The following MAPK7 variants were observed in gnomAD, a reference collection of about 807,000 sequenced individuals.
The protein encoded by MAPK7 is BMK-1.
Under a neutral mutation model 56.9 loss-of-function variants are expected in MAPK7, and 30 were observed. That is an observed-to-expected ratio of 0.53 (90% CI 0.39 to 0.72). The LOEUF is 0.72. MAPK7 is among the 30% of genes least tolerant of loss of function. The pLI, the probability that MAPK7 is intolerant of heterozygous loss-of-function variation, is 0.00. For missense variants in MAPK7, 952 were observed against 1,110.8 expected, an observed-to-expected ratio of 0.86 and a Z score of 2.03; for synonymous variants, 516 against 449.3, an observed-to-expected ratio of 1.15 and a Z score of -1.88.
Position 19,383,243 on chromosome 17 carries a change from T to C in MAPK7, c.*12T>C. 1 of 1,613,192 alleles carries C rather than the reference T, an allele frequency of 6.2e-7. No individual in the cohort carries two copies. The highest frequency in any genetic ancestry group is 8.5e-7 in the Non-Finnish European group (1 of 1,179,424). ...TCCAGGACCCCTGAGGCCCCCAGCC[T>C]GTGCCTTGCTGCCACAGTAGACCTA... On this transcript the variant is annotated 3_prime_UTR_variant, in exon 7 of 7. Transcript: ENST00000395604.
chr17:19,377,878 G>C (rs946631759), upstream of MAPK7: 20 of 985,280 alleles, frequency 2.0e-5, no homozygotes, highest in African/African-American at 3.1e-4. Flanking sequence ...AGGAAACCGC[G>C]AGCTGCAGTC....
chr17:19,380,063 C>T, intron 3 of MAPK7, 116 bp downstream of exon 3: 1 of 1,199,610 alleles, frequency 8.3e-7, no homozygotes, highest in Admixed American at 2.2e-5. Context: ...TGGGAAAATT[C>T]CCGCAGTTCT....
At position 19,383,274 on chromosome 17, in the gene MAPK7, A is replaced by G. The variant is rs1912883145; in HGVS notation, c.*43A>G. 1.2e-6 allele frequency: 2 copies of G among 1,605,390 alleles called. No homozygotes were observed. Among genetic ancestry groups the G allele is most frequent in the Non-Finnish European group, 1.7e-6 (2 of 1,174,122 alleles). On this transcript the variant is annotated 3_prime_UTR_variant, in exon 7 of 7. Coordinates refer to ENST00000395604, the MANE Select transcript of MAPK7 (RefSeq NM_002749.4). Reference sequence around the variant, plus strand: ...TTGCTGCCACAGTAGACCTAGTTCCAGGATCCATGGGAGCATTCTCAAAGG... The same window carrying G: ...TTGCTGCCACAGTAGACCTAGTTCCGGGATCCATGGGAGCATTCTCAAAGG...
rs753467532 is a variant in MAPK7, at chr17:19,382,045, C to T, written c.1742C>T (p.Pro581Leu). The change falls in exon 5 of 7, where the codon CCA becomes CTA. Residue 581 changes from proline (P) to leucine (L), a missense_variant. Around this residue, in one of 5 missense-constraint regions of MAPK7, gnomAD observed 234 missense variants for 210.4 expected, o/e 1.11. Transcript: ENST00000395604. ...ACTCGAATGGCCCGGCCCGCAGCCC[C>T]AGCCCTCACCTCTGTGCCGGCCCCT... ...RWTRMARPAA[P>L]ALTSVPAPAP... The T allele has an allele frequency of 6.3e-7, 1 of 1,575,778 alleles. No individual in the cohort carries two copies. Among genetic ancestry groups the T allele is most frequent in the East Asian group, 2.3e-5 (1 of 42,680 alleles).
chr17:19,377,889 C>T, upstream of MAPK7: 1 of 985,390 alleles, frequency 1.0e-6, no homozygotes, highest in African/African-American at 1.7e-5. Context: ...AGCTGCAGTC[C>T]AACTTGGCCG....
chr17:19,382,385 A>C lies in MAPK7; in HGVS notation c.2082A>C (p.Pro694=). The change falls in exon 5 of 7, where the codon CCA becomes CCC. Residue 694 remains proline, a synonymous_variant. Transcript: ENST00000395604. ...ACTTCCCACCTGGCCTGCCGCCCCCAGACGCCGGGGGAGCCCCTCAGTCTT... is the reference window on the plus strand; with the variant it reads ...ACTTCCCACCTGGCCTGCCGCCCCCCGACGCCGGGGGAGCCCCTCAGTCTT... ...LPYFPPGLPP[P]DAGGAPQSSM... The C allele has an allele frequency of 1.2e-6, 2 of 1,613,378 alleles. No homozygotes were observed. Among genetic ancestry groups the C allele is most frequent in the Non-Finnish European group, 1.7e-6 (2 of 1,179,940 alleles).
Position 19,379,775 on chromosome 17 carries a change from T to G in MAPK7, c.233-7T>G. The stretch of plus-strand genomic sequence containing the variant: ...CCTCTGGTATGTCCCTTTTCCCTGC[T>G]CCTCAGGCCAGCAGGTGGCCATCAA... On this transcript the variant is annotated splice_polypyrimidine_tract_variant and splice_region_variant and intron_variant, in intron 2 of 6. Transcript: ENST00000395604. 6.2e-7 allele frequency: 1 copy of G among 1,613,542 alleles called. No individual in the cohort carries two copies. Among genetic ancestry groups the G allele is most frequent in the Non-Finnish European group, 8.5e-7 (1 of 1,179,762 alleles).
chr17:19,378,462 G>T, upstream of MAPK7: 1 of 1,028,674 alleles, frequency 9.7e-7, no homozygotes, highest in Non-Finnish European at 1.2e-6. The surrounding 1 kb of genome is among the most constrained non-coding windows in gnomAD (Gnocchi z 5.4). Context: ...GCTGGAGGGA[G>T]CGTGGCCTTG....
At chr17:19,379,648 G>A (rs1912470931) in intron 2 of MAPK7, 134 bp from the exon 3 acceptor site, 1 of 747,584 alleles carries the variant, frequency 1.3e-6, no homozygotes, top group Non-Finnish European at 2.2e-6. Flanking sequence ...CACAGGGCTT[G>A]GCACATAGTA....
intron 3 of MAPK7, chr17:19,380,255 A>G (rs1460949263): frequency 2.0e-6 from 1 of 501,772 alleles, no homozygotes; most frequent in Non-Finnish European, 3.5e-6. Flanking sequence ...ACTTTCCTAC[A>G]GACAGTGGAC....
Position 19,383,412 on chromosome 17 carries a change from G to C in MAPK7, c.*181G>C. On this transcript the variant is annotated 3_prime_UTR_variant, in exon 7 of 7. Transcript: ENST00000395604. ...CTGAGCCACCACCGAGCCATGGCAG[G>C]ATCGGGAGACCCCAACTCCCCCTGA... The C allele has an allele frequency of 1.8e-6, 1 of 556,764 alleles. No homozygotes were observed. The highest frequency in any genetic ancestry group is 2.8e-5 in the South Asian group (1 of 35,736). 34.5% of individuals were successfully genotyped at this position (556,764 alleles called of 1,614,324 possible).
At chr17:19,379,285 G>A in intron 2 of MAPK7, 153 bp downstream of exon 2, 1 of 699,814 alleles carries the variant, frequency 1.4e-6, no homozygotes, top group Non-Finnish European at 2.3e-6. Flanking sequence ...CAGGCTCCGG[G>A]GAGGCTCGGT....
rs1912305591 is a variant in MAPK7, at chr17:19,378,560, G to A, written c.-76G>A. ...TTGAACAAGTAAGTGAGCCACCCTC[G>A]GAGACCCCCGCGCTGGGGACGGGAG... is the stretch of plus-strand genomic sequence containing the variant. On this transcript the variant is annotated 5_prime_UTR_variant, in exon 1 of 7. Transcript: ENST00000395604. The surrounding 1 kb of genome is among the most constrained non-coding windows in gnomAD (Gnocchi z 5.4). 1 of 1,194,600 alleles carries A rather than the reference G, an allele frequency of 8.4e-7. No homozygotes were observed. Among genetic ancestry groups the A allele is most frequent in the East Asian group, 4.6e-5 (1 of 21,896 alleles). The allele number at this position is 1,194,600 out of a possible 1,614,324, so 74.0% of individuals were successfully genotyped here.
intron 3 of MAPK7, 97 bp from the exon 4 acceptor site, chr17:19,380,502 GTAAGGCTGT>G (rs772173119): frequency 2.1e-4 from 308 of 1,488,418 alleles, no homozygotes; most frequent in Non-Finnish European, 2.6e-4. Flanking sequence ...GGGTCCCAGG[GTAAGGCTGT>G]TACCTGTCTG....
chr17:19,381,288 C>G lies in MAPK7; in HGVS notation c.1079C>G (p.Ala360Gly), dbSNP rs767214222. 3 of 1,614,076 alleles carry G rather than the reference C, an allele frequency of 1.9e-6. No individual in the cohort carries two copies. Among genetic ancestry groups the G allele is most frequent in the South Asian group, 2.2e-5 (2 of 91,088 alleles). Residue 360 changes from alanine to glycine, a missense_variant, in exon 4 of 7, where the codon GCC becomes GGC. Around this residue, in one of 5 missense-constraint regions of MAPK7, gnomAD observed 429 missense variants for 533.0 expected, o/e 0.80. Transcript: ENST00000395604. This position sits in a 1 kb window ranked among gnomAD's most constrained non-coding sequence, Gnocchi z 4.6. The part of the protein sequence containing the change: ...YHDPDDEPDC[A>G]PPFDFAFDRE... Reference sequence around the variant, plus strand: ...GATCCTGATGATGAGCCTGACTGTGCCCCGCCCTTTGACTTTGCCTTTGAC... The same window carrying G: ...GATCCTGATGATGAGCCTGACTGTGGCCCGCCCTTTGACTTTGCCTTTGAC...
In MAPK7 at chr17:19,379,060, G is replaced by A. The variant is rs1364671960; in HGVS notation, c.160G>A (p.Glu54Lys). 2.5e-6 allele frequency: 4 copies of A among 1,614,008 alleles called. No individual in the cohort carries two copies. The highest frequency in any genetic ancestry group is 3.4e-6 in the Non-Finnish European group (4 of 1,180,014). Residue 54 changes from glutamate (E) to lysine (K), a missense_variant, in exon 2 of 7, where the codon GAG (glutamate) becomes AAG (lysine). Glu to Lys is a moderately conservative substitution (Grantham distance 56). Transcript: ENST00000395604. ...SFDVTFDVGD[E>K]YEIIETIGNG... ...CGATGTGACCTTTGACGTGGGCGAC[G>A]AGTACGAGATCATCGAGACCATAGG...
intron 2 of MAPK7, 48 bp from the exon 3 acceptor site, chr17:19,379,734 A>T: frequency 6.3e-7 from 1 of 1,584,208 alleles, no homozygotes; most frequent in Non-Finnish European, 8.6e-7. Flanking sequence ...TCGACTCTGC[A>T]GTTTCTCCAA....
chr17:19,383,020 G>A, intron 6 of MAPK7, 58 bp from the exon 7 acceptor site: 1 of 1,612,256 alleles, frequency 6.2e-7, no homozygotes, highest in Non-Finnish European at 8.5e-7. Flanking sequence ...ATGCACCTGT[G>A]GGATGGGTGA....
chr17:19,379,762 C>T lies in MAPK7; in HGVS notation c.233-20C>T. On this transcript the variant is annotated intron_variant, in intron 2 of 6. Transcript: ENST00000395604. ...TTCTCCAAGGTATCCTCTGGTATGT[C>T]CCTTTTCCCTGCTCCTCAGGCCAGC... The T allele has an allele frequency of 2.5e-6, 4 of 1,612,384 alleles. No homozygotes were observed. Among genetic ancestry groups the T allele is most frequent in the Non-Finnish European group, 3.4e-6 (4 of 1,179,184 alleles).
Sources: gnomAD v4.1 joint callset for allele counts on GRCh38, gnomAD v4.1.1 for gene constraint, gnomAD v4.1.1 regional missense constraint, Gnocchi (gnomAD v3.1) non-coding constraint, MANE v1.5 for transcripts, NCBI Gene and HGNC (gene_info 2026-07-23, HGNC 2026-07-21) for gene names.